The following NPC1 variants were observed in gnomAD, a reference collection of about 807,000 sequenced individuals.
The protein encoded by NPC1 is Niemann-Pick C1 protein.
NPC1 carries 85 observed loss-of-function variants against 140.4 expected under a neutral mutation model. The observed-to-expected ratio is 0.61, with a 90% CI of 0.51 to 0.72. The LOEUF is 0.72. NPC1 is among the 30% of genes least tolerant of loss of function. The pLI is 0.00. For missense variants in NPC1, 1,504 were observed against 1,623.8 expected, an observed-to-expected ratio of 0.93 and a Z score of 1.27; for synonymous variants, 656 against 624.8, an observed-to-expected ratio of 1.05 and a Z score of -0.74.
Position 23,560,354 on chromosome 18 carries a change from G to T in NPC1, c.758C>A (p.Pro253His). Reference sequence around the variant, plus strand: ...CGTCCAGGGAGCAGGAGGAGGTGGGGGCTGGGGCTTGGGGCCACAGACAAT... The same window carrying T: ...CGTCCAGGGAGCAGGAGGAGGTGGGTGCTGGGGCTTGGGGCCACAGACAAT... ...CSIVCGPKPQ[P>H]PPPPAPWTIL... is the part of the protein sequence containing the mutation. Residue 253 changes from proline (P) to histidine (H), a missense_variant, in exon 6 of 25, where the codon CCC becomes CAC. Pro to His is a moderately conservative substitution (Grantham distance 77). Coordinates refer to ENST00000269228, the MANE Select transcript of NPC1 (RefSeq NM_000271.5). 3.7e-6 allele frequency: 6 copies of T among 1,614,258 alleles called. No individual in the cohort carries two copies. The highest frequency in any genetic ancestry group is 4.2e-6 in the Non-Finnish European group (5 of 1,180,044).
At chr18:23,573,369 C>T in intron 2 of NPC1, 83 bp downstream of exon 2, 3 of 1,581,864 alleles carry the variant, frequency 1.9e-6, no homozygotes, top group Middle Eastern at 1.7e-4. Flanking sequence ...CCACCTCCAC[C>T]CTGCAATAAC....
In NPC1 at chr18:23,532,141, C is replaced by T. The variant is rs922462170; in HGVS notation, c.*61G>A. ...AACTTGGCCTTGCCGATGCAGCACC[C>T]GTCCAGTGGTAAACCGACCGACCCT... On this transcript the variant is annotated 3_prime_UTR_variant, in exon 25 of 25. Coordinates refer to ENST00000269228, the MANE Select transcript of NPC1 (RefSeq NM_000271.5). 4.6e-5 allele frequency: 74 copies of T among 1,613,954 alleles called. No individual in the cohort carries two copies. The highest frequency in any genetic ancestry group is 4.3e-4 in the Admixed American group (26 of 59,984).
rs1289752178 is a variant in NPC1 at position 23,572,331 on chromosome 18, TA to T, written c.181-152del. 3.0e-5 allele frequency: 20 copies of T among 660,554 alleles called. No individual in the cohort carries two copies. In the South Asian group the frequency reaches 3.1e-4, roughly 10 times the overall value. 40.9% of individuals were successfully genotyped at this position (660,554 alleles called of 1,614,324 possible). A position where few individuals can be genotyped will look rare whatever the true frequency, so the allele number is the denominator to read the frequency against. On this transcript the variant is annotated intron_variant, in intron 2 of 24. Transcript: ENST00000269228. The stretch of plus-strand genomic sequence containing the variant: ...TGTATTTGCAAAGTTATTATAGAAT[TA>T]TTTTAAAAGGCTACACATTTACTAT...
At chr18:23,529,524 G>T, downstream of NPC1, 2 of 1,251,388 alleles carry the variant, frequency 1.6e-6, no homozygotes, top group Non-Finnish European at 2.3e-6. Flanking sequence ...AGTGAAAGAT[G>T]AACACTGGGC....
At chr18:23,519,087 G>T, downstream of NPC1, 1 of 1,614,152 alleles carries the variant, frequency 6.2e-7, no homozygotes, top group Non-Finnish European at 8.5e-7. Context: ...CCTGTAAAAA[G>T]ATGCACATAT....
chr18:23,510,552 C>A (rs2057826036), intron 3 of NPC1, among the ~76,000 whole-genome samples: 1 of 152,012 alleles, frequency 6.6e-6, no homozygotes, highest in Admixed American at 6.6e-5. Context: ...GAGGCTGAGG[C>A]CAGGGAATTG....
chr18:23,526,906 A>AC (rs1275797247), downstream of NPC1: 8 of 1,136,560 alleles, frequency 7.0e-6, no homozygotes, highest in Non-Finnish European at 8.6e-6. Context: ...TGGCTATGTG[A>AC]CCCCCTAGGA....
At chr18:23,543,710 G>A (rs183786300) in intron 13 of NPC1, 141 bp from the exon 14 acceptor site, 105 of 647,038 alleles carry the variant, frequency 1.6e-4, no homozygotes, top group Admixed American at 6.0e-4. Context: ...ATAAACTTCG[G>A]TGGGGGACTC....
chr18:23,565,961 C>T (rs1472829825), intron 4 of NPC1, among the ~76,000 whole-genome samples: 1 of 152,102 alleles, frequency 6.6e-6, no homozygotes, highest in Admixed American at 6.5e-5. Flanking sequence ...GTAATTCCCT[C>T]GTATCTTCCA....
At position 23,560,422 on chromosome 18, in the gene NPC1, A is replaced by G. The variant is rs768304872; in HGVS notation, c.690T>C (p.Ser230=). 1 of 1,613,948 alleles carries G rather than the reference A, an allele frequency of 6.2e-7. No homozygotes were observed. Among genetic ancestry groups the G allele is most frequent in the Non-Finnish European group, 8.5e-7 (1 of 1,179,902 alleles). The change falls in exon 6 of 25, where the codon TCT becomes TCC. Residue 230 remains serine (S), a synonymous_variant. Transcript: ENST00000269228. The stretch of plus-strand genomic sequence containing the variant: ...TACATGGTGCTGTGACCTCATCCAC[A>G]GACTCGTCACAGCCTTTGGTGGCAT... ...MNNATKGCDE[S]VDEVTAPCSC...
chr18:23,526,774 A>C, downstream of NPC1: 1 of 1,613,440 alleles, frequency 6.2e-7, no homozygotes, highest in Non-Finnish European at 8.5e-7. Context: ...GAGTAAGTTG[A>C]ATCCTTCCCC....
At chr18:23,527,879 A>G (rs1567933129), downstream of NPC1, 1 of 1,614,120 alleles carries the variant, frequency 6.2e-7, no homozygotes, top group South Asian at 1.1e-5. Flanking sequence ...AAGTACCTGG[A>G]TGCCGAGCAG....
chr18:23,524,404 G>T, downstream of NPC1: 2 of 1,613,114 alleles, frequency 1.2e-6, no homozygotes, highest in South Asian at 1.1e-5. Flanking sequence ...TCTTTTCCTG[G>T]TTTAGAATTT....
chr18:23,560,200 T>A lies in NPC1; in HGVS notation c.881+31A>T, dbSNP rs748121046. 6 of 1,613,728 alleles carry A rather than the reference T, an allele frequency of 3.7e-6. No homozygotes were observed. The East Asian group carries it at 1.3e-4, about 36-fold the overall frequency. ...AGTGCCAGTGGGCAATTTTGCTCTT[T>A]TTGCCCTGGATGACAAACAAAACTG... On this transcript the variant is annotated intron_variant, in intron 6 of 24. Transcript: ENST00000269228.
At chr18:23,509,246 C>T in intron 3 of NPC1, 2 of 1,457,904 alleles carry the variant, frequency 1.4e-6, no homozygotes, top group African/African-American at 1.5e-5. Context: ...CTGAAATTGT[C>T]TTCATAACAG....
intron 22 of NPC1, among the ~76,000 whole-genome samples, chr18:23,534,839 G>C (rs748505111): frequency 1.3e-5 from 2 of 152,180 alleles, no homozygotes; most frequent in South Asian, 2.1e-4. Flanking sequence ...CACCCGCACC[G>C]AGCTGGCGCA....
intron 4 of NPC1, among the ~76,000 whole-genome samples, chr18:23,565,735 A>C (rs1567974452): frequency 6.6e-6 from 1 of 152,136 alleles, no homozygotes; most frequent in Non-Finnish European, 1.5e-5. Context: ...TTTTATTTTC[A>C]CTTTGAGATT....
intron 5 of NPC1, 151 bp downstream of exon 5, chr18:23,561,209 A>G: frequency 1.3e-6 from 1 of 798,678 alleles, no homozygotes; most frequent in South Asian, 1.4e-5. Context: ...ATGGGGCCTC[A>G]CTACATTGCC....
chr18:23,542,605 G>A (rs997041168), intron 14 of NPC1, among the ~76,000 whole-genome samples: 1 of 152,260 alleles, frequency 6.6e-6, no homozygotes, highest in African/African-American at 2.4e-5. Flanking sequence ...AAACACAGAA[G>A]TGCTGACTTT....
Sources: allele counts gnomAD v4.1 joint callset (sites outside exome capture counted in the v4.1 genomes callset), GRCh38; gene constraint gnomAD v4.1.1; transcripts MANE v1.5; gene names NCBI Gene and HGNC (gene_info 2026-07-23, HGNC 2026-07-21).